Variants in RHBDD2 observed in about 807,000 individuals in gnomAD.
The protein encoded by RHBDD2 is rhomboid domain containing 2, also known as rhomboid domain-containing protein 2.
In RHBDD2, 13 loss-of-function variants were observed where a neutral mutation model predicts 21.7. The observed-to-expected ratio is 0.60, with a 90% CI of 0.39 to 0.95. RHBDD2 has a LOEUF of 0.95. Among genes scored for constraint, RHBDD2 ranks in the 40% least tolerant of loss-of-function variants. The pLI, the probability that RHBDD2 is intolerant of heterozygous loss-of-function variation, is 0.00. For synonymous variants in RHBDD2, 225 were observed against 220.0 expected, an observed-to-expected ratio of 1.02 and a Z score of -0.20; for missense variants, 473 against 478.9, an observed-to-expected ratio of 0.99 and a Z score of 0.11.
rs560171585 is a variant in RHBDD2 at position 75,881,120 on chromosome 7, G to T, written c.179-709G>T. Reference sequence around the variant, plus strand: ...ATTCAAGGCAGGAGGATCACTGGAGGCCAGGAGTTCAAGGCTAGCCTGGGC... The same window carrying T: ...ATTCAAGGCAGGAGGATCACTGGAGTCCAGGAGTTCAAGGCTAGCCTGGGC... On this transcript the variant is annotated intron_variant, in intron 1 of 3. Coordinates refer to ENST00000006777, the MANE Select transcript of RHBDD2 (RefSeq NM_001040456.3). Among the ~76,000 whole-genome samples, 5 of 152,178 alleles carry T rather than the reference G, an allele frequency of 3.3e-5. No individual in the cohort carries two copies. In the South Asian group the frequency reaches 1.0e-3, roughly 32 times the overall value.
At chr7:75,882,639 A>T (rs1178823354) in intron 2 of RHBDD2, among the ~76,000 whole-genome samples, 1 of 150,526 alleles carries the variant, frequency 6.6e-6, no homozygotes, top group Non-Finnish European at 1.5e-5. Context: ...TCTGATCATA[A>T]TTTTTTTTTA....
At chr7:75,884,044 C>T (rs550451278) in intron 3 of RHBDD2, among the ~76,000 whole-genome samples, 196 bp downstream of exon 3, 1 of 152,060 alleles carries the variant, frequency 6.6e-6, no homozygotes, top group African/African-American at 2.4e-5. Context: ...AGGTGCCCAC[C>T]ACTACATCCA....
intron 3 of RHBDD2, 23 bp from the exon 4 acceptor site, chr7:75,887,969 T>C: frequency 6.3e-7 from 1 of 1,591,532 alleles, no homozygotes; most frequent in South Asian, 1.1e-5. Context: ...TGAAGGACCA[T>C]TTTCTCTCTT....
intron 3 of RHBDD2, 109 bp downstream of exon 3, chr7:75,883,957 C>A (rs1340975309): frequency 3.6e-6 from 3 of 827,064 alleles, no homozygotes; most frequent in African/African-American, 3.5e-5. Flanking sequence ...TGCAGTGGCA[C>A]AATCTCGGCT....
At chr7:75,879,710 C>T (rs912612261) in intron 1 of RHBDD2, among the ~76,000 whole-genome samples, 1 of 152,338 alleles carries the variant, frequency 6.6e-6, no homozygotes, top group Non-Finnish European at 1.5e-5. Context: ...CCACAAACCC[C>T]TATAAGCCCT....
chr7:75,879,850 T>A (rs1805213360), intron 1 of RHBDD2, among the ~76,000 whole-genome samples: 1 of 152,202 alleles, frequency 6.6e-6, no homozygotes, highest in South Asian at 2.1e-4. Context: ...TGTTTGTTTT[T>A]CTCTAGGGGA....
At chr7:75,886,602 C>G (rs1268720596) in intron 3 of RHBDD2, among the ~76,000 whole-genome samples, 2 of 152,058 alleles carry the variant, frequency 1.3e-5, no homozygotes, top group Non-Finnish European at 2.9e-5. Flanking sequence ...ATCACGAGAT[C>G]AGGAGATCGA....
intron 2 of RHBDD2, among the ~76,000 whole-genome samples, chr7:75,882,577 G>A (rs1314129183): frequency 6.6e-6 from 1 of 152,052 alleles, no homozygotes; most frequent in East Asian, 1.9e-4. Context: ...TACCCACCGT[G>A]GCCTCCCAAA....
In RHBDD2 at chr7:75,882,016, A is replaced by C; in HGVS notation, c.366A>C (p.Ser122=). 1 of 1,614,186 alleles carries C rather than the reference A, an allele frequency of 6.2e-7. No individual in the cohort carries two copies. The highest frequency in any genetic ancestry group is 8.5e-7 in the Non-Finnish European group (1 of 1,180,026). ...IIFLSFEAVS[S]LSKLGEVEDA... Reference sequence around the variant, plus strand: ...TCCTGTCATTCGAGGCTGTGTCATCACTGTCAAAGCTGGGGGAAGTGGAGG... The same window carrying C: ...TCCTGTCATTCGAGGCTGTGTCATCCCTGTCAAAGCTGGGGGAAGTGGAGG... Residue 122 remains serine, a synonymous_variant, in exon 2 of 4, where the codon TCA becomes TCC. Coordinates refer to ENST00000006777, the MANE Select transcript of RHBDD2 (RefSeq NM_001040456.3).
chr7:75,885,650 C>T (rs1805615500), intron 3 of RHBDD2, among the ~76,000 whole-genome samples: 1 of 152,072 alleles, frequency 6.6e-6, no homozygotes, highest in South Asian at 2.1e-4. Context: ...ATCATGGCAC[C>T]GGCCTCAGGC....
At chr7:75,885,856 A>G (rs893392713) in intron 3 of RHBDD2, among the ~76,000 whole-genome samples, 2 of 152,066 alleles carry the variant, frequency 1.3e-5, no homozygotes, top group African/African-American at 4.8e-5. Flanking sequence ...CTAGTGCTGG[A>G]ACACTGGGAA....
At chr7:75,879,912 C>T (rs1418314091) in intron 1 of RHBDD2, among the ~76,000 whole-genome samples, 2 of 152,160 alleles carry the variant, frequency 1.3e-5, no homozygotes, top group Non-Finnish European at 2.9e-5. Flanking sequence ...GAAAGACATT[C>T]CTAGTCTCCG....
chr7:75,885,928 G>A (rs529532302), intron 3 of RHBDD2, among the ~76,000 whole-genome samples: 48 of 152,136 alleles, frequency 3.2e-4, no homozygotes, highest in Admixed American at 1.3e-3. Context: ...GTGCAGTGGC[G>A]TGATCTCAGC....
rs782484425 is a variant in RHBDD2 at position 75,881,990 on chromosome 7, T to A, written c.340T>A (p.Phe114Ile). The A allele has an allele frequency of 1.2e-6, 2 of 1,614,248 alleles. No homozygotes were observed. Among genetic ancestry groups the A allele is most frequent in the Admixed American group, 3.3e-5 (2 of 60,030 alleles). Residue 114 changes from phenylalanine to isoleucine, a missense_variant, in exon 2 of 4, where the codon TTC becomes ATC. Coordinates refer to ENST00000006777, the MANE Select transcript of RHBDD2 (RefSeq NM_001040456.3). ...CTTCGCCATCTTCTCCGCTATCATC[T>A]TCCTGTCATTCGAGGCTGTGTCATC... Reference protein sequence around the residue: ...VIFAIFSAIIFLSFEAVSSLS... With the variant: ...VIFAIFSAIIILSFEAVSSLS...
intron 1 of RHBDD2, among the ~76,000 whole-genome samples, 160 bp from the exon 2 acceptor site, chr7:75,881,669 A>G (rs1256141624): frequency 6.6e-6 from 1 of 151,914 alleles, no homozygotes; most frequent in African/African-American, 2.4e-5. Flanking sequence ...TGGGTCCTTC[A>G]TTGTTGAACG....
At chr7:75,881,516 T>A in intron 1 of RHBDD2, 1 of 1,329,352 alleles carries the variant, frequency 7.5e-7, no homozygotes, top group Non-Finnish European at 9.8e-7. Context: ...TGAAAAAGGA[T>A]TATAAAGCAC....
intron 1 of RHBDD2, chr7:75,881,369 T>A (rs1554542433): frequency 7.7e-7 from 1 of 1,291,480 alleles, no homozygotes; most frequent in South Asian, 1.2e-5. Context: ...GAACAGCCAC[T>A]ATGGAAGGAG....
intron 2 of RHBDD2, among the ~76,000 whole-genome samples, chr7:75,883,166 A>G (rs1554542951): frequency 6.6e-6 from 1 of 152,184 alleles, no homozygotes; most frequent in African/African-American, 2.4e-5. Context: ...GAGAAGGGAC[A>G]GCATTAATAC....
chr7:75,886,891 G>T (rs1392976824), intron 3 of RHBDD2, among the ~76,000 whole-genome samples: 1 of 152,034 alleles, frequency 6.6e-6, no homozygotes, highest in African/African-American at 2.4e-5. Flanking sequence ...TGCCAGGTCT[G>T]ATCCTGCCTC....
Sources: gnomAD v4.1 joint callset for allele counts (sites outside exome capture counted in the v4.1 genomes callset) on GRCh38, gnomAD v4.1.1 for gene constraint, MANE v1.5 for transcripts, NCBI Gene and HGNC (gene_info 2026-07-23, HGNC 2026-07-21) for gene names.